ZNF804B: variants seen among roughly 807,000 people sequenced by gnomAD.
ZNF804B encodes the protein zinc finger 804B.
A neutral mutation model predicts 101.4 loss-of-function variants in ZNF804B; 80 were observed. The observed-to-expected ratio is 0.79, with a 90% CI of 0.66 to 0.95. The LOEUF is 0.95. Ranked by LOEUF, ZNF804B falls within the 40% of genes least tolerant of loss-of-function variation. The pLI, the probability that ZNF804B is intolerant of heterozygous loss-of-function variation, is 0.00. For synonymous variants in ZNF804B, 622 were observed against 558.8 expected (o/e 1.11, Z -1.59); for missense variants, 1,673 against 1,561.9 (o/e 1.07, Z -1.20).
chr7:88,838,328 T>G (rs17164650), intron 1 of ZNF804B, among the ~76,000 whole-genome samples: 3,924 of 151,980 alleles, frequency 0.026, 130 homozygotes, highest in African/African-American at 0.072. Context: ...AAGTCAAAAT[T>G]TAAACACAGG....
intron 1 of ZNF804B, among the ~76,000 whole-genome samples, chr7:88,782,151 A>G (rs567739289): frequency 6.6e-6 from 1 of 151,258 alleles, no homozygotes; most frequent in Admixed American, 6.6e-5. Context: ...TAATAGGGCA[A>G]GAGAGGAGAG....
chr7:88,999,955 A>G (rs1584063195), intron 1 of ZNF804B, among the ~76,000 whole-genome samples: 1 of 152,096 alleles, frequency 6.6e-6, no homozygotes, highest in East Asian at 1.9e-4. Context: ...TTTTTACTCA[A>G]TGCATAAGTG....
intron 1 of ZNF804B, among the ~76,000 whole-genome samples, chr7:88,838,429 A>G (rs1791247704): frequency 6.6e-6 from 1 of 151,958 alleles, no homozygotes; most frequent in Admixed American, 6.6e-5. Flanking sequence ...TCAATATTTT[A>G]GAGTAGAACA....
intron 1 of ZNF804B, 72 bp from the exon 2 acceptor site, chr7:89,218,083 C>T: frequency 6.9e-7 from 1 of 1,452,728 alleles, no homozygotes; most frequent in Non-Finnish European, 9.4e-7. Flanking sequence ...TAAATACCAC[C>T]TTGATTAATA....
intron 2 of ZNF804B, among the ~76,000 whole-genome samples, chr7:89,269,288 C>T (rs997208766): frequency 1.3e-5 from 2 of 152,048 alleles, no homozygotes; most frequent in Non-Finnish European, 2.9e-5. Context: ...TGTTCAATTC[C>T]CACCTATGAG....
In ZNF804B at chr7:89,145,529, C is replaced by T. The variant is rs540779757; in HGVS notation, c.109-72626C>T. ...TAGGCAAGAGCAGACTCAAACAATTCTTTGGTTTTCTAATTCAGGTATTAT... is the reference window on the plus strand; with the variant it reads ...TAGGCAAGAGCAGACTCAAACAATTTTTTGGTTTTCTAATTCAGGTATTAT... On this transcript the variant is annotated intron_variant, in intron 1 of 3. Transcript: ENST00000333190. 5.9e-5 allele frequency among the ~76,000 whole-genome samples: 9 copies of T among 152,118 alleles called. No individual in the cohort carries two copies. The South Asian group carries it at 1.9e-3, about 32-fold the overall frequency.
intron 1 of ZNF804B, among the ~76,000 whole-genome samples, chr7:88,825,262 GGTGGTAACT>G (rs1478787120): frequency 6.6e-6 from 1 of 152,092 alleles, no homozygotes; most frequent in Non-Finnish European, 1.5e-5. Context: ...TGGCAGTGGT[GGTGGTAACT>G]CCACAGCTTA....
At chr7:88,872,114 C>G (rs1791836565) in intron 1 of ZNF804B, among the ~76,000 whole-genome samples, 1 of 152,126 alleles carries the variant, frequency 6.6e-6, no homozygotes, top group African/African-American at 2.4e-5. Flanking sequence ...TGGATTAATT[C>G]TTAAGTGTCT....
At chr7:89,148,130 T>C (rs1407887587) in intron 1 of ZNF804B, among the ~76,000 whole-genome samples, 1 of 152,028 alleles carries the variant, frequency 6.6e-6, no homozygotes, top group East Asian at 1.9e-4. Context: ...GCTCTGCTAT[T>C]TTTTATACCT....
At chr7:89,276,123 A>G (rs955452559) in intron 2 of ZNF804B, among the ~76,000 whole-genome samples, 1 of 151,860 alleles carries the variant, frequency 6.6e-6, no homozygotes, top group South Asian at 2.1e-4. Context: ...AAAAATGAGA[A>G]CACATGGACA....
intron 1 of ZNF804B, among the ~76,000 whole-genome samples, chr7:88,847,533 A>T (rs1187637386): frequency 6.6e-6 from 1 of 152,160 alleles, no homozygotes; most frequent in Non-Finnish European, 1.5e-5. Flanking sequence ...CACAGGTTTG[A>T]TCAGGAGAAT....
At chr7:88,912,537 GA>G (rs1792565062) in intron 1 of ZNF804B, among the ~76,000 whole-genome samples, 1 of 152,022 alleles carries the variant, frequency 6.6e-6, no homozygotes, top group African/African-American at 2.4e-5. Flanking sequence ...ATATGGTTTT[GA>G]ATTTCACATT....
chr7:88,941,281 G>A (rs1330448332), intron 1 of ZNF804B, among the ~76,000 whole-genome samples: 4 of 151,974 alleles, frequency 2.6e-5, no homozygotes, highest in East Asian at 1.9e-4. Context: ...CAGAGGAGAT[G>A]AAAACATATG....
chr7:88,770,923 T>G (rs1276756494), intron 1 of ZNF804B, among the ~76,000 whole-genome samples: 1 of 152,216 alleles, frequency 6.6e-6, no homozygotes, highest in African/African-American at 2.4e-5. Flanking sequence ...CCTTATAAGT[T>G]GAAATTTATG....
At chr7:89,208,361 C>T (rs1036652505) in intron 1 of ZNF804B, among the ~76,000 whole-genome samples, 1 of 152,112 alleles carries the variant, frequency 6.6e-6, no homozygotes, top group African/African-American at 2.4e-5. Context: ...GGATTACAGG[C>T]ATGAGCCACC....
chr7:88,777,506 TCAGACAAA>T (rs1359852158), intron 1 of ZNF804B, among the ~76,000 whole-genome samples: 1 of 152,146 alleles, frequency 6.6e-6, no homozygotes, highest in Admixed American at 6.5e-5. Flanking sequence ...CTGAATGCTA[TCAGACAAA>T]TACCCAGCAC....
intron 1 of ZNF804B, among the ~76,000 whole-genome samples, chr7:89,006,886 A>T (rs757453417): frequency 2.6e-5 from 4 of 152,114 alleles, no homozygotes; most frequent in Admixed American, 1.3e-4. Flanking sequence ...GCCATTGAGC[A>T]CTTCTTTGTG....
intron 1 of ZNF804B, among the ~76,000 whole-genome samples, chr7:88,996,897 G>T (rs1788208954): frequency 6.6e-6 from 1 of 152,050 alleles, no homozygotes; most frequent in South Asian, 2.1e-4. Flanking sequence ...TAGGTTGGAA[G>T]ATGTCCATAT....
chr7:89,038,183 T>C (rs1788958207), intron 1 of ZNF804B, among the ~76,000 whole-genome samples: 1 of 152,162 alleles, frequency 6.6e-6, no homozygotes, highest in South Asian at 2.1e-4. Context: ...TTACTTACTT[T>C]AGATGTATCC....
Sources: gnomAD v4.1 joint callset for allele counts (sites outside exome capture counted in the v4.1 genomes callset) on GRCh38, gnomAD v4.1.1 for gene constraint, MANE v1.5 for transcripts, NCBI Gene and HGNC (gene_info 2026-07-23, HGNC 2026-07-21) for gene names.